GPHN: variants seen among roughly 807,000 people sequenced by gnomAD.
GPHN encodes the protein gephyrin.
A neutral mutation model predicts 95.5 loss-of-function variants in GPHN; 17 were observed. The ratio of observed to expected loss-of-function variants is 0.18; its 90% confidence interval spans 0.12 to 0.27. GPHN has a LOEUF of 0.27. Among genes scored for constraint, GPHN ranks in the 10% least tolerant of loss-of-function variants. GPHN has a pLI of 1.00. For synonymous variants in GPHN, 320 were observed against 322.5 expected (o/e 0.99, Z 0.08); for missense variants, 660 against 978.1 (o/e 0.67, Z 4.34).
At chr14:67,581,312 A>G in the GPHN span, among the ~76,000 whole-genome samples, 1 of 151,986 alleles carries the variant, frequency 6.6e-6, no homozygotes, top group African/African-American at 2.4e-5. Context: ...ACATCTGCCA[A>G]GAAAACAGAC....
At chr14:67,645,837 C>CT in the GPHN span, 1 of 1,608,380 alleles carries the variant, frequency 6.2e-7, no homozygotes, top group South Asian at 1.1e-5. Context: ...AGGTGAATGG[C>CT]TTGCAGGGTT....
chr14:66,863,184 T>G (rs2063096809), intron 4 of GPHN, among the ~76,000 whole-genome samples: 1 of 148,700 alleles, frequency 6.7e-6, no homozygotes, highest in East Asian at 2.0e-4. Context: ...ATGCCAACAG[T>G]GAACAATCTG....
At chr14:66,841,002 TAGATA>T (rs2062057832) in intron 4 of GPHN, among the ~76,000 whole-genome samples, 1 of 142,808 alleles carries the variant, frequency 7.0e-6, no homozygotes, top group South Asian at 2.2e-4. Flanking sequence ...GATATAGATA[TAGATA>T]TAGATATAGA....
intron 20 of GPHN, among the ~76,000 whole-genome samples, chr14:67,168,381 A>G (rs898593635): frequency 1.1e-4 from 16 of 152,216 alleles, no homozygotes; most frequent in African/African-American, 3.9e-4. Flanking sequence ...TAGCTTTATC[A>G]TATGAATTCA....
the GPHN span, among the ~76,000 whole-genome samples, chr14:67,436,114 T>C: frequency 4.6e-5 from 7 of 152,210 alleles, no homozygotes; most frequent in Admixed American, 4.6e-4. Flanking sequence ...GCCTCTTTAC[T>C]GGAAACTACT....
At chr14:67,068,741 A>G (rs1459818653) in intron 11 of GPHN, among the ~76,000 whole-genome samples, 1 of 152,226 alleles carries the variant, frequency 6.6e-6, no homozygotes, top group Non-Finnish European at 1.5e-5. Context: ...GTTCTAGTCA[A>G]GGAAACTTTA....
chr14:66,776,240 G>A (rs1374065916), intron 2 of GPHN, among the ~76,000 whole-genome samples: 1 of 151,772 alleles, frequency 6.6e-6, no homozygotes, highest in African/African-American at 2.4e-5. Context: ...CTTAGTTATG[G>A]GTAAAAAATC....
chr14:66,874,442 G>A (rs1319280245), intron 4 of GPHN, among the ~76,000 whole-genome samples: 3 of 152,094 alleles, frequency 2.0e-5, no homozygotes, highest in Non-Finnish European at 4.4e-5. Flanking sequence ...CAGAAGGTGG[G>A]TAATAAAAAA....
chr14:67,320,272 T>C, the GPHN span: 3 of 1,613,658 alleles, frequency 1.9e-6, no homozygotes, highest in Non-Finnish European at 2.5e-6. Context: ...GAAATGTCAC[T>C]TTATCATCAG....
intron 8 of GPHN, among the ~76,000 whole-genome samples, chr14:66,929,054 C>CTTTTT (rs147521541): frequency 8.1e-6 from 1 of 122,788 alleles, no homozygotes; most frequent in Non-Finnish European, 1.8e-5. Context: ...TCCAATGTTT[C>CTTTTT]TTTTTTTTTT....
intron 17 of GPHN, among the ~76,000 whole-genome samples, chr14:67,142,053 A>G (rs1369948670): frequency 6.6e-6 from 1 of 152,210 alleles, no homozygotes; most frequent in Non-Finnish European, 1.5e-5. Flanking sequence ...CCCAAGAGCA[A>G]GAATACAGCT....
intron 13 of GPHN, among the ~76,000 whole-genome samples, chr14:67,107,522 C>G (rs1471905590): frequency 1.3e-5 from 2 of 152,178 alleles, no homozygotes; most frequent in East Asian, 3.9e-4. Flanking sequence ...ACTGACCAAA[C>G]TCCAAAGAAA....
chr14:67,695,655 G>T, the GPHN span: 1 of 1,614,192 alleles, frequency 6.2e-7, no homozygotes, highest in Non-Finnish European at 8.5e-7. Flanking sequence ...GCCATATACA[G>T]AAGGAAGGGC....
At chr14:66,897,357 T>C (rs2064905378) in intron 5 of GPHN, among the ~76,000 whole-genome samples, 1 of 152,106 alleles carries the variant, frequency 6.6e-6, no homozygotes, top group African/African-American at 2.4e-5. Context: ...ATATACCCAG[T>C]AGTGCAATTG....
chr14:67,692,782 A>G, the GPHN span: 1 of 860,414 alleles, frequency 1.2e-6, no homozygotes, highest in Non-Finnish European at 1.8e-6. Context: ...CATTATATGT[A>G]GAGCATAGTA....
At chr14:67,231,230 G>A in the GPHN span, among the ~76,000 whole-genome samples, 7 of 152,178 alleles carry the variant, frequency 4.6e-5, no homozygotes, top group Non-Finnish European at 8.8e-5. Context: ...AATTTATAAA[G>A]ACAAATCAGA....
At chr14:67,397,786 AG>A in the GPHN span, 1 of 1,613,234 alleles carries the variant, frequency 6.2e-7, no homozygotes, top group Non-Finnish European at 8.5e-7. Context: ...GTTCTGCCGA[AG>A]GATGAACCAT....
intron 4 of GPHN, among the ~76,000 whole-genome samples, chr14:66,838,653 T>G (rs1246176243): frequency 1.3e-5 from 2 of 152,152 alleles, no homozygotes; most frequent in Non-Finnish European, 2.9e-5. Context: ...AGTAAAATGC[T>G]AAAAGTATAT....
chr14:67,109,206 A>G (rs980494777), intron 13 of GPHN, among the ~76,000 whole-genome samples: 3 of 152,220 alleles, frequency 2.0e-5, no homozygotes, highest in Non-Finnish European at 4.4e-5. Flanking sequence ...TGAGCAAACT[A>G]TCCTTATGCA....
Sources: allele counts gnomAD v4.1 joint callset (sites outside exome capture counted in the v4.1 genomes callset), GRCh38; gene constraint gnomAD v4.1.1; transcripts MANE v1.5; gene names NCBI Gene and HGNC (gene_info 2026-07-23, HGNC 2026-07-21).